The following CELF2 variants were observed in gnomAD, a reference collection of about 807,000 sequenced individuals.
CELF2 encodes the protein CUG triplet repeat RNA-binding protein 2.
In CELF2, 8 loss-of-function variants were observed where a neutral mutation model predicts 62.6. The observed-to-expected ratio is 0.13, with a 90% CI of 0.07 to 0.23. The LOEUF is 0.23. Among genes scored for constraint, CELF2 ranks in the 10% least tolerant of loss-of-function variants. The pLI, the probability that CELF2 is intolerant of heterozygous loss-of-function variation, is 1.00. For synonymous variants in CELF2, 258 were observed against 250.0 expected (o/e 1.03, Z -0.30); for missense variants, 333 against 671.0 (o/e 0.50, Z 5.56).
rs1478350331 is a variant in CELF2, at chr10:11,237,542, G to A, written c.355-11611G>A. 6.6e-6 allele frequency among the ~76,000 whole-genome samples: 1 copy of A among 152,198 alleles called. No homozygotes were observed. Among genetic ancestry groups the A allele is most frequent in the African/African-American group, 2.4e-5 (1 of 41,452 alleles). Reference sequence around the variant, plus strand: ...GTGAGGAGACTTGTTCCCAATTTGAGGCCAGCACATGTACCAGGTCGTCAA... The same window carrying A: ...GTGAGGAGACTTGTTCCCAATTTGAAGCCAGCACATGTACCAGGTCGTCAA... On this transcript the variant is annotated intron_variant, in intron 3 of 12. Coordinates refer to ENST00000633077, the MANE Select transcript of CELF2 (RefSeq NM_001326342.2). This position sits in a 1 kb window ranked among gnomAD's most constrained non-coding sequence, Gnocchi z 4.0.
chr10:10,665,335 C>T, the CELF2 span, among the ~76,000 whole-genome samples: 1 of 152,058 alleles, frequency 6.6e-6, no homozygotes, highest in Non-Finnish European at 1.5e-5. Context: ...TTCTGCATTA[C>T]AAATCCATAA....
chr10:10,961,144 T>C (rs2049457255), intron 2 of CELF2, among the ~76,000 whole-genome samples: 1 of 152,174 alleles, frequency 6.6e-6, no homozygotes, highest in Non-Finnish European at 1.5e-5. Context: ...CATCTGTTGT[T>C]CTTTTTCCTA....
chr10:10,786,410 C>A, the CELF2 span, among the ~76,000 whole-genome samples: 2 of 151,536 alleles, frequency 1.3e-5, no homozygotes, highest in African/African-American at 4.9e-5. Context: ...CAGGAAGGCA[C>A]CCAATAAGCC....
At chr10:11,053,803 A>G (rs560729859) in intron 1 of CELF2, among the ~76,000 whole-genome samples, 16 of 151,814 alleles carry the variant, frequency 1.1e-4, no homozygotes, top group Non-Finnish European at 2.4e-4. Flanking sequence ...TTTAGTAGAG[A>G]TGGGGTTTCA....
chr10:10,479,250 C>A, the CELF2 span, among the ~76,000 whole-genome samples: 5 of 152,120 alleles, frequency 3.3e-5, no homozygotes, highest in East Asian at 9.6e-4. Flanking sequence ...GTCACTGCAA[C>A]CTCTGACTCT....
the CELF2 span, among the ~76,000 whole-genome samples, chr10:10,739,257 G>T: frequency 6.6e-6 from 1 of 152,068 alleles, no homozygotes; most frequent in African/African-American, 2.4e-5. Flanking sequence ...AGATTATAAG[G>T]TTTTTATGCT....
chr10:10,534,023 G>A, the CELF2 span, among the ~76,000 whole-genome samples: 2,684 of 152,078 alleles, frequency 0.018, 47 homozygotes, highest in Non-Finnish European at 0.029. Context: ...GAAATAGGAA[G>A]AAAATTAAAA....
intron 2 of CELF2, among the ~76,000 whole-genome samples, chr10:11,185,184 G>GT (rs1006460700): frequency 3.3e-5 from 5 of 151,720 alleles, no homozygotes; most frequent in African/African-American, 9.7e-5. Context: ...GTTTTTGTGT[G>GT]TTTTTTTTAA....
intron 2 of CELF2, among the ~76,000 whole-genome samples, chr10:11,170,630 G>C (rs1014532066): frequency 1.3e-5 from 2 of 152,112 alleles, no homozygotes; most frequent in African/African-American, 4.8e-5. Flanking sequence ...GAGGTCTGAA[G>C]TAAGGAAGCC....
At chr10:11,002,985 G>A (rs1056739407), upstream of CELF2, among the ~76,000 whole-genome samples, 12 of 152,212 alleles carry the variant, frequency 7.9e-5, no homozygotes, top group African/African-American at 2.9e-4. The surrounding 1 kb of genome is among the most constrained non-coding windows in gnomAD (Gnocchi z 4.4). Context: ...GAAGTGCAAA[G>A]ATTAATTCCA....
At chr10:11,293,922 G>T (rs893558700) in intron 9 of CELF2, among the ~76,000 whole-genome samples, 1 of 152,140 alleles carries the variant, frequency 6.6e-6, no homozygotes, top group Non-Finnish European at 1.5e-5. Flanking sequence ...TCACAGTGAC[G>T]TTGGCAGGGT....
At chr10:10,787,226 T>TCACACACACACACACACACACACA in the CELF2 span, among the ~76,000 whole-genome samples, 182 of 143,940 alleles carry the variant, frequency 1.3e-3, no homozygotes, top group African/African-American at 4.6e-3. Context: ...AGGTTTGATG[T>TCACACACACACACACACACACACA]CACACACACA....
upstream of CELF2, among the ~76,000 whole-genome samples, chr10:11,015,922 T>C (rs1008809830): frequency 1.3e-5 from 2 of 151,760 alleles, no homozygotes; most frequent in East Asian, 3.8e-4. This position sits in a 1 kb window ranked among gnomAD's most constrained non-coding sequence, Gnocchi z 4.8. Context: ...TTCTACCTTA[T>C]AGAATGTAGA....
chr10:10,996,195 C>A (rs930380018), intron 2 of CELF2, among the ~76,000 whole-genome samples: 2 of 152,196 alleles, frequency 1.3e-5, no homozygotes, highest in African/African-American at 4.8e-5. Context: ...TTGAACCCAA[C>A]TGGCCTGCTG....
At chr10:10,686,942 CT>C in the CELF2 span, among the ~76,000 whole-genome samples, 1 of 152,146 alleles carries the variant, frequency 6.6e-6, no homozygotes, top group African/African-American at 2.4e-5. Flanking sequence ...ATCCCACCTT[CT>C]TGATGAAATC....
chr10:11,100,970 A>C (rs1595266899), intron 1 of CELF2, among the ~76,000 whole-genome samples: 1 of 152,270 alleles, frequency 6.6e-6, no homozygotes, highest in East Asian at 1.9e-4. Flanking sequence ...TCCACTAAAC[A>C]CCTTTGGGGC....
chr10:10,643,871 C>T, the CELF2 span, among the ~76,000 whole-genome samples: 1 of 152,174 alleles, frequency 6.6e-6, no homozygotes, highest in South Asian at 2.1e-4. Context: ...CATGTTGAAC[C>T]TTTGACACAG....
the CELF2 span, among the ~76,000 whole-genome samples, chr10:10,537,120 C>CCTCCTCTTCCTCCAGCCTGGAAGT: frequency 6.6e-6 from 1 of 152,130 alleles, no homozygotes. Context: ...AGGGAGGAAG[C>CCTCCTCTTCCTCCAGCCTGGAAGT]CTCCTCTTCC....
intron 2 of CELF2, among the ~76,000 whole-genome samples, chr10:10,966,358 G>T (rs1465362749): frequency 2.0e-5 from 3 of 152,196 alleles, no homozygotes; most frequent in Non-Finnish European, 4.4e-5. Context: ...CTCGGGGATA[G>T]CTGTGTGCCC....
Sources: gnomAD v4.1 joint callset for allele counts (sites outside exome capture counted in the v4.1 genomes callset) on GRCh38, gnomAD v4.1.1 for gene constraint, Gnocchi (gnomAD v3.1) non-coding constraint, MANE v1.5 for transcripts, NCBI Gene and HGNC (gene_info 2026-07-23, HGNC 2026-07-21) for gene names.